The following VWF variants were observed in gnomAD, a reference collection of about 807,000 sequenced individuals.
The protein encoded by VWF is von Willebrand factor.
Under a neutral mutation model 308.6 loss-of-function variants are expected in VWF, and 176 were observed. The ratio of observed to expected loss-of-function variants is 0.57; its 90% CI spans 0.50 to 0.65. VWF has a LOEUF of 0.65. Among genes scored for constraint, VWF ranks in the 30% least tolerant of loss-of-function variants. VWF has a pLI of 0.00. For missense variants in VWF, 3,146 were observed against 3,648.2 expected, an observed-to-expected ratio of 0.86 and a Z score of 3.55; for synonymous variants, 1,385 against 1,443.4, an observed-to-expected ratio of 0.96 and a Z score of 0.92.
At chr12:5,953,694 T>A in intron 47 of VWF, 100 bp from the exon 48 acceptor site, 1 of 914,394 alleles carries the variant, frequency 1.1e-6, no homozygotes, top group Non-Finnish European at 1.8e-6. Context: ...TCTCATCCAG[T>A]AGTTTCACCT....
chr12:6,034,732 G>C lies in VWF; in HGVS notation c.2641C>G (p.Leu881Val), dbSNP rs746053613. ...GMAHYLTFDG[L>V]KYLFPGECQY... ...CACTCCCCGGGGAACAGGTATTTGA[G>C]CCCGTCGAAGGTGAGGTAGTGGGCC... Residue 881 changes from leucine to valine, a missense_variant, in exon 20 of 52, where the codon CTC (leucine) becomes GTC (valine). Physicochemically the swap from Leu to Val is conservative, Grantham distance 32. Transcript: ENST00000261405. 1 of 1,614,184 alleles carries C rather than the reference G, an allele frequency of 6.2e-7. No homozygotes were observed. The highest frequency in any genetic ancestry group is 8.5e-7 in the Non-Finnish European group (1 of 1,180,042).
chr12:6,079,430 C>T (rs1015506081), intron 6 of VWF, among the ~76,000 whole-genome samples: 11 of 151,326 alleles, frequency 7.3e-5, no homozygotes, highest in African/African-American at 2.7e-4. Flanking sequence ...CACGGTGAAA[C>T]CCCATCTCTA....
chr12:6,064,998 G>A (rs970204761), intron 11 of VWF, 139 bp downstream of exon 11: 35 of 1,272,946 alleles, frequency 2.7e-5, no homozygotes, highest in Non-Finnish European at 3.1e-5. Flanking sequence ...TGAATGAGGA[G>A]CTAACTGAAG....
chr12:6,052,903 A>C, intron 15 of VWF, 120 bp from the exon 16 acceptor site: 2 of 1,380,110 alleles, frequency 1.4e-6, no homozygotes, highest in Non-Finnish European at 2.0e-6. Context: ...ATTTTTATTG[A>C]GATAATTGTA....
chr12:5,971,680 C>G lies in VWF; in HGVS notation c.7467G>C (p.Glu2489Asp), dbSNP rs949209563. Residue 2489 changes from glutamate (E) to aspartate (D), a missense_variant, in exon 44 of 52, where the codon GAG becomes GAC. By Grantham distance (45) the Glu-to-Asp change is conservative (BLOSUM62 2). Transcript: ENST00000261405. ...SGFTYVLHEGECCGRCLPSAC... is the reference protein window; with the variant it reads ...SGFTYVLHEGDCCGRCLPSAC... ...CAGATGGCAGGCACCTTCCACAGCACTCGCCTTCATGCAGAACGTAAGTGA... is the reference window on the plus strand; with the variant it reads ...CAGATGGCAGGCACCTTCCACAGCAGTCGCCTTCATGCAGAACGTAAGTGA... 6.2e-7 allele frequency: 1 copy of G among 1,614,222 alleles called. No individual in the cohort carries two copies. Among genetic ancestry groups the G allele is most frequent in the Non-Finnish European group, 8.5e-7 (1 of 1,180,048 alleles).
chr12:5,950,819 A>C (rs1943182352), intron 50 of VWF, among the ~76,000 whole-genome samples: 1 of 152,188 alleles, frequency 6.6e-6, no homozygotes, highest in Admixed American at 6.5e-5. Flanking sequence ...ACAGTCTCCT[A>C]ATCAAATTCC....
Position 6,032,945 on chromosome 12 carries a change from C to T in VWF, c.2686-1367G>A, listed in dbSNP as rs112649830. ...ACACACACGCGCTCACGCATACACA[C>T]ACATACACCCATGTACTCATACACA... On this transcript the variant is annotated intron_variant, in intron 20 of 51. Coordinates refer to ENST00000261405, the MANE Select transcript of VWF (RefSeq NM_000552.5). Among the ~76,000 whole-genome samples, 992 of 152,164 alleles carry T rather than the reference C, an allele frequency of 6.5e-3. 11 individuals are homozygous for T. Among genetic ancestry groups the T allele is most frequent in the African/African-American group, 0.021 (867 of 41,502 alleles).
intron 1 of VWF, among the ~76,000 whole-genome samples, chr12:6,123,622 T>C (rs1234557536): frequency 6.6e-6 from 1 of 152,136 alleles, no homozygotes; most frequent in Non-Finnish European, 1.5e-5. Flanking sequence ...AGCCCAGACA[T>C]AGAGAATGCT....
Position 6,121,931 on chromosome 12 carries a change from G to GA in VWF, c.56-594dup, listed in dbSNP as rs750249010. 2.3e-3 allele frequency among the ~76,000 whole-genome samples: 330 copies of GA among 142,588 alleles called. 2 individuals carry two copies. Among genetic ancestry groups the GA allele is most frequent in the African/African-American group, 7.6e-3 (297 of 38,896 alleles). The allele number at this position is 142,588 out of a possible 152,430, so 93.5% of individuals were successfully genotyped here. On this transcript the variant is annotated intron_variant, in intron 2 of 51. Transcript: ENST00000261405. Reference sequence around the variant, plus strand: ...GGGCGACAGAGTGAGACTCTGTCTCGAAAAAAAAAAGAAAAAGAAAAAGAA... The same window carrying GA: ...GGGCGACAGAGTGAGACTCTGTCTCGAAAAAAAAAAAGAAAAAGAAAAAGAA...
intron 21 of VWF, among the ~76,000 whole-genome samples, chr12:6,030,924 G>A (rs1591871288): frequency 6.6e-6 from 1 of 152,266 alleles, no homozygotes; most frequent in Admixed American, 6.5e-5. Flanking sequence ...AGCTACTAAG[G>A]AGGCTGATGC....
Position 6,046,682 on chromosome 12 carries a change from C to A in VWF, c.2281+41G>T. 1 of 1,579,158 alleles carries A rather than the reference C, an allele frequency of 6.3e-7. No homozygotes were observed. Among genetic ancestry groups the A allele is most frequent in the East Asian group, 2.2e-5 (1 of 44,728 alleles). ...CCATTCCACACGTGAGGAATCTGGG[C>A]AGGATGGAGTCAATGGGCCTTCCAG... On this transcript the variant is annotated intron_variant, in intron 17 of 51. Transcript: ENST00000261405. This position sits in a 1 kb window ranked among gnomAD's most constrained non-coding sequence, Gnocchi z 5.0.
intron 27 of VWF, 99 bp downstream of exon 27, chr12:6,021,801 C>T (rs1312401502): frequency 2.2e-5 from 31 of 1,386,338 alleles, no homozygotes; most frequent in Admixed American, 6.8e-5. Context: ...TCTCTCAACT[C>T]ATGTGGCTAG....
chr12:6,071,360 G>A lies in VWF; in HGVS notation c.1110-17C>T. The A allele has an allele frequency of 6.2e-7, 1 of 1,614,088 alleles. No homozygotes were observed. The highest frequency in any genetic ancestry group is 8.5e-7 in the Non-Finnish European group (1 of 1,180,000). ...CGGCAAATGCTGTTGGAGGGAAAAAGCACAGGTCATTGGTGGTTCTGCAAA... is the reference window on the plus strand; with the variant it reads ...CGGCAAATGCTGTTGGAGGGAAAAAACACAGGTCATTGGTGGTTCTGCAAA... On this transcript the variant is annotated splice_polypyrimidine_tract_variant and intron_variant, in intron 9 of 51. Coordinates refer to ENST00000261405, the MANE Select transcript of VWF (RefSeq NM_000552.5).
chr12:6,031,102 T>TACACAC lies in VWF; in HGVS notation c.2820+336_2820+341dup, dbSNP rs67042989. On this transcript the variant is annotated intron_variant, in intron 21 of 51. Coordinates refer to ENST00000261405, the MANE Select transcript of VWF (RefSeq NM_000552.5). ...CATATCCCATAACATCATCACTTCA[T>TACACAC]ACACACACACACACACAAAGAAACC... Among the ~76,000 whole-genome samples, 313 of 151,166 alleles carry TACACAC rather than the reference T, an allele frequency of 2.1e-3. 1 individual carries two copies. Among genetic ancestry groups the TACACAC allele is most frequent in the African/African-American group, 6.7e-3 (277 of 41,190 alleles).
intron 34 of VWF, among the ~76,000 whole-genome samples, chr12:6,005,241 G>A (rs1349683606): frequency 1.3e-5 from 2 of 152,154 alleles, no homozygotes; most frequent in African/African-American, 2.4e-5. Context: ...TTAAGACAAT[G>A]TGGTTTTGGT....
chr12:6,104,248 C>T lies in VWF; in HGVS notation c.532+6126G>A, dbSNP rs369973183. Reference sequence around the variant, plus strand: ...AGATATCATCTTACCCTAGTCACAACGGTTATTATTAAAAAGACAGAAAAT... The same window carrying T: ...AGATATCATCTTACCCTAGTCACAATGGTTATTATTAAAAAGACAGAAAAT... On this transcript the variant is annotated intron_variant, in intron 5 of 51. Transcript: ENST00000261405. 3.4e-4 allele frequency among the ~76,000 whole-genome samples: 52 copies of T among 151,962 alleles called. 2 individuals carry two copies. The East Asian group carries it at 6.2e-3, about 18-fold the overall frequency.
Position 6,036,471 on chromosome 12 carries a change from A to T in VWF, c.2463T>A (p.Cys821Ter). 1 of 1,614,210 alleles carries T rather than the reference A, an allele frequency of 6.2e-7. No homozygotes were observed. Among genetic ancestry groups the T allele is most frequent in the Non-Finnish European group, 8.5e-7 (1 of 1,180,026 alleles). The change falls in exon 19 of 52, where the codon TGT (cysteine) becomes TGA (stop). Residue 821 changes from cysteine to a stop codon, truncating the protein, a stop_gained. Coordinates refer to ENST00000261405, the MANE Select transcript of VWF (RefSeq NM_000552.5). LOFTEE classifies it high-confidence loss of function. ...AGCAGGGACACCTTTCCAGGGCCAC[A>T]CATCTGTTCTCATGCCGGACCTAAG... ...PPGMVRHENR[C>*]VALERCPCFH...
rs1020664699 is a variant in VWF, at chr12:6,110,953, C to A, written c.236G>T (p.Gly79Val). ...ATACACGGAGAGGCTCACTCTCTTG[C>A]CATTCTGGAAGTCCCCTGAAAGAGA... ...SFSIIGDFQN[G>V]KRVSLSVYLG... Residue 79 changes from glycine to valine, a missense_variant, in exon 4 of 52, where the codon GGC (glycine) becomes GTC (valine). By Grantham distance (109) the Gly-to-Val change is moderately radical (BLOSUM62 -3). Coordinates refer to ENST00000261405, the MANE Select transcript of VWF (RefSeq NM_000552.5). The A allele has an allele frequency of 1.9e-5, 31 of 1,613,960 alleles. No homozygotes were observed. Among genetic ancestry groups the A allele is most frequent in the Non-Finnish European group, 2.6e-5 (31 of 1,179,990 alleles).
chr12:6,120,550 A>G (rs1370047617), intron 3 of VWF, among the ~76,000 whole-genome samples: 3 of 151,968 alleles, frequency 2.0e-5, no homozygotes, highest in Non-Finnish European at 4.4e-5. Flanking sequence ...TGATCCACCC[A>G]CCTTGGCCTC....
Sources: allele counts gnomAD v4.1 joint callset (sites outside exome capture counted in the v4.1 genomes callset), GRCh38; gene constraint gnomAD v4.1.1; non-coding constraint Gnocchi (gnomAD v3.1); transcripts MANE v1.5; gene names NCBI Gene and HGNC (gene_info 2026-07-23, HGNC 2026-07-21).